The following SCD5 variants were observed in gnomAD, a reference collection of about 807,000 sequenced individuals.
The protein encoded by SCD5 is acyl-CoA-desaturase 4.
In SCD5, 20 loss-of-function variants were observed where a neutral mutation model predicts 30.4. The ratio of observed to expected loss-of-function variants is 0.66; its 90% confidence interval spans 0.46 to 0.96. SCD5 has a LOEUF of 0.96. Ranked by LOEUF, SCD5 falls within the 40% of genes least tolerant of loss-of-function variation. The pLI is 0.00. For synonymous variants in SCD5, 173 were observed against 176.4 expected, an observed-to-expected ratio of 0.98 and a Z score of 0.16; for missense variants, 381 against 443.3, an observed-to-expected ratio of 0.86 and a Z score of 1.26.
At chr4:82,770,314 G>A (rs1721593164) in intron 1 of SCD5, among the ~76,000 whole-genome samples, 1 of 152,084 alleles carries the variant, frequency 6.6e-6, no homozygotes, top group African/African-American at 2.4e-5. Context: ...GAATATTCAT[G>A]ACATTTTCCC....
Sources: allele counts gnomAD v4.1 joint callset (sites outside exome capture counted in the v4.1 genomes callset), GRCh38; gene constraint gnomAD v4.1.1; transcripts MANE v1.5; gene names NCBI Gene and HGNC (gene_info 2026-07-23, HGNC 2026-07-21).